Variants in RAD9B observed in about 807,000 individuals in gnomAD.
RAD9B encodes the protein RAD9 checkpoint clamp component B, also known as cell cycle checkpoint control protein RAD9B.
RAD9B carries 41 observed loss-of-function variants against 48.3 expected under a neutral mutation model. The observed-to-expected ratio is 0.85, with a 90% CI of 0.66 to 1.10. The LOEUF (loss-of-function observed/expected upper bound fraction) is 1.10, where lower values mean the gene tolerates loss of function less well. Ranked by LOEUF, RAD9B falls within the 50% of genes least tolerant of loss-of-function variation. The pLI is 0.00. For missense variants in RAD9B, 444 were observed against 485.1 expected, an observed-to-expected ratio of 0.92 and a Z score of 0.80; for synonymous variants, 160 against 157.9, an observed-to-expected ratio of 1.01 and a Z score of -0.10.
intron 4 of RAD9B, among the ~76,000 whole-genome samples, chr12:110,508,776 CTTCTT>C (rs1256860104): frequency 1.3e-5 from 2 of 151,840 alleles, no homozygotes; most frequent in African/African-American, 4.8e-5. Flanking sequence ...CAGGGTGCAG[CTTCTT>C]TTCTTTTCTT....
chr12:110,508,899 A>G (rs1378869606), intron 4 of RAD9B, among the ~76,000 whole-genome samples: 2 of 152,040 alleles, frequency 1.3e-5, no homozygotes, highest in East Asian at 3.9e-4. Context: ...GACTCAGGTG[A>G]TCCTCCTACC....
rs572171158 is a variant in RAD9B at position 110,502,896 on chromosome 12, G to A, written c.46+513G>A. 1.1e-4 allele frequency: 18 copies of A among 157,434 alleles called. No individual in the cohort carries two copies. The South Asian group carries it at 3.0e-3, about 26-fold the overall frequency. 9.8% of individuals were successfully genotyped at this position (157,434 alleles called of 1,614,324 possible). ...AATGAAATGGAAATGCGTGTAAAGA[G>A]CCCAGTAATAGATGGAATGTACAAG... On this transcript the variant is annotated intron_variant, in intron 1 of 10. Transcript: ENST00000409300.
intron 4 of RAD9B, among the ~76,000 whole-genome samples, chr12:110,510,666 G>C (rs977663120): frequency 1.3e-5 from 2 of 152,332 alleles, no homozygotes; most frequent in East Asian, 3.9e-4. Context: ...GGATCAGAGA[G>C]AATGTATGTA....
At chr12:110,530,486 T>C in intron 10 of RAD9B, 39 bp from the exon 11 acceptor site, 1 of 1,607,830 alleles carries the variant, frequency 6.2e-7, no homozygotes, top group Non-Finnish European at 8.5e-7. Context: ...GCAAACTTTC[T>C]CTTTGGAATC....
Position 110,518,752 on chromosome 12 carries a change from TGA to T in RAD9B, c.675_676del (p.Glu225AspfsTer27). On this transcript the variant is annotated frameshift_variant, in exon 7 of 11. Transcript: ENST00000409300. LOFTEE classifies it high-confidence loss of function. ...FDFFQIGMDT[E>X]ITFCFKELKG... ...ACTTCTTTCAAATTGGAATGGACAC[TGA>T]GATAACATTTTGTTTCAAAGAATTG... 1 of 1,607,614 alleles carries T rather than the reference TGA, an allele frequency of 6.2e-7. No homozygotes were observed. The highest frequency in any genetic ancestry group is 8.5e-7 in the Non-Finnish European group (1 of 1,176,158).
At chr12:110,517,372 C>T (rs1177095154) in intron 6 of RAD9B, among the ~76,000 whole-genome samples, 3 of 151,676 alleles carry the variant, frequency 2.0e-5, no homozygotes, top group Non-Finnish European at 4.4e-5. Context: ...TGCCTGTAAT[C>T]CCAGAACTTT....
intron 2 of RAD9B, among the ~76,000 whole-genome samples, chr12:110,504,557 T>C (rs2063203871): frequency 6.6e-6 from 1 of 152,024 alleles, no homozygotes; most frequent in Non-Finnish European, 1.5e-5. Context: ...GTTTTGGGAC[T>C]GCATTCATTC....
intron 3 of RAD9B, among the ~76,000 whole-genome samples, chr12:110,506,290 G>A (rs1015788883): frequency 1.3e-5 from 2 of 151,734 alleles, no homozygotes; most frequent in Admixed American, 6.6e-5. Flanking sequence ...CCGGGTTCAC[G>A]CCATTCTCCT....
chr12:110,526,256 A>G (rs187477817), intron 10 of RAD9B, among the ~76,000 whole-genome samples: 19 of 152,192 alleles, frequency 1.2e-4, no homozygotes, highest in Admixed American at 7.9e-4. Flanking sequence ...TTCCTACCCA[A>G]CTCATATTAG....
chr12:110,519,424 G>T (rs1467312577), intron 8 of RAD9B, among the ~76,000 whole-genome samples: 1 of 149,480 alleles, frequency 6.7e-6, no homozygotes, highest in African/African-American at 2.5e-5. Context: ...TGTTGTTGTT[G>T]TTGTTGTTGT....
chr12:110,502,640 G>C (rs2063117816), intron 1 of RAD9B: 6 of 511,552 alleles, frequency 1.2e-5, no homozygotes, highest in Admixed American at 6.9e-5. Context: ...CCACAAACTC[G>C]GGATGCTGAG....
chr12:110,529,693 G>A (rs2064069334), intron 10 of RAD9B, among the ~76,000 whole-genome samples: 1 of 152,116 alleles, frequency 6.6e-6, no homozygotes, highest in African/African-American at 2.4e-5. Flanking sequence ...GCGGTGAGAC[G>A]TGATCACACA....
chr12:110,514,044 CCTTCCTTCCTTCCTTG>C (rs1184228188), intron 5 of RAD9B, among the ~76,000 whole-genome samples: 58 of 151,870 alleles, frequency 3.8e-4, no homozygotes, highest in African/African-American at 1.2e-3. Flanking sequence ...TTCCTTCCTT[CCTTCCTTCCTTCCTTG>C]CTTCCTTCCT....
At position 110,532,666 on chromosome 12, in the gene RAD9B, A is replaced by G. The variant is rs759056151; in HGVS notation, c.*2013A>G. ...ACTGCACAGACAGTGGTGGTCCCAT[A>G]AGATAATGGAGCTGCCCTATACAGG... On this transcript the variant is annotated 3_prime_UTR_variant, in exon 11 of 11. Coordinates refer to ENST00000409300, the MANE Select transcript of RAD9B (RefSeq NM_001286535.2). 1.4e-4 allele frequency among the ~76,000 whole-genome samples: 22 copies of G among 152,374 alleles called. No homozygotes were observed. The highest frequency in any genetic ancestry group is 2.2e-4 in the Non-Finnish European group (15 of 68,044).
intron 10 of RAD9B, among the ~76,000 whole-genome samples, chr12:110,524,350 C>G (rs2063870780): frequency 6.6e-6 from 1 of 151,880 alleles, no homozygotes; most frequent in African/African-American, 2.4e-5. Context: ...ATCACGAGGT[C>G]AGGAGTTCAA....
intron 5 of RAD9B, among the ~76,000 whole-genome samples, chr12:110,514,557 C>T (rs2063555760): frequency 6.6e-6 from 1 of 152,140 alleles, no homozygotes; most frequent in Admixed American, 6.6e-5. Context: ...TTTGGGATGT[C>T]AAGAGAACCT....
At chr12:110,503,960 A>C in intron 2 of RAD9B, 84 bp downstream of exon 2, 7 of 737,300 alleles carry the variant, frequency 9.5e-6, no homozygotes, top group Non-Finnish European at 1.5e-5. Context: ...TTAACTAGGA[A>C]ATCCAGAAAT....
Position 110,524,218 on chromosome 12 carries a change from T to C in RAD9B, c.1125+1807T>C, listed in dbSNP as rs147128599. On this transcript the variant is annotated intron_variant, in intron 10 of 10. Coordinates refer to ENST00000409300, the MANE Select transcript of RAD9B (RefSeq NM_001286535.2). ...TAATAATTATGCCCACTAAATGGAA[T>C]TGTAAAGATTGAGCTAAAGATGCAA... Among the ~76,000 whole-genome samples the C allele has an allele frequency of 4.6e-5, 7 of 152,318 alleles. No homozygotes were observed. In the East Asian group the frequency reaches 1.2e-3, roughly 25 times the overall value.
chr12:110,518,625 A>C, intron 6 of RAD9B, 51 bp from the exon 7 acceptor site: 1 of 1,354,096 alleles, frequency 7.4e-7, no homozygotes, highest in Non-Finnish European at 1.0e-6. Context: ...TTTCCTCTAA[A>C]TTCATCTCTG....
Sources: allele counts gnomAD v4.1 joint callset (sites outside exome capture counted in the v4.1 genomes callset), GRCh38; gene constraint gnomAD v4.1.1; transcripts MANE v1.5; gene names NCBI Gene and HGNC (gene_info 2026-07-23, HGNC 2026-07-21).